NAV2: variants seen among roughly 807,000 people sequenced by gnomAD.
The protein encoded by NAV2 is neuron navigator 2.
A neutral mutation model predicts 223.2 loss-of-function variants in NAV2; 54 were observed. The observed-to-expected ratio is 0.24, with a 90% CI of 0.19 to 0.30. The LOEUF (loss-of-function observed/expected upper bound fraction) is 0.30, where lower values mean the gene tolerates loss of function less well. NAV2 is among the 10% of genes least tolerant of loss of function. NAV2 has a pLI of 1.00. For missense variants in NAV2, 2,806 were observed against 3,147.5 expected (o/e 0.89, Z 2.60); for synonymous variants, 1,279 against 1,239.3 (o/e 1.03, Z -0.67).
intron 6 of NAV2, among the ~76,000 whole-genome samples, chr11:19,919,011 CAG>C (rs371548532): frequency 1.2e-4 from 18 of 152,032 alleles, no homozygotes; most frequent in African/African-American, 4.3e-4. Context: ...GTACCTGAAA[CAG>C]AAGAAATGTC....
chr11:19,631,181 G>A (rs894296774), intron 1 of NAV2, among the ~76,000 whole-genome samples: 1 of 149,232 alleles, frequency 6.7e-6, no homozygotes, highest in Admixed American at 6.7e-5. Context: ...ATGTATACAT[G>A]TGCCACACTG....
At chr11:19,819,554 A>G (rs1184161400) in intron 1 of NAV2, among the ~76,000 whole-genome samples, 2 of 152,210 alleles carry the variant, frequency 1.3e-5, no homozygotes, top group African/African-American at 4.8e-5. Flanking sequence ...ACATGGGACC[A>G]GAGAACCTGC....
At chr11:19,644,798 C>A (rs1185580746) in intron 1 of NAV2, among the ~76,000 whole-genome samples, 2 of 152,190 alleles carry the variant, frequency 1.3e-5, no homozygotes, top group Non-Finnish European at 2.9e-5. Flanking sequence ...GATAGATGGG[C>A]CAGCAGGCCA....
At position 20,045,033 on chromosome 11, in the gene NAV2, C is replaced by T. The variant is rs368715694; in HGVS notation, c.3265C>T (p.Arg1089Cys). The T allele has an allele frequency of 1.9e-5, 30 of 1,614,096 alleles. No individual in the cohort carries two copies. The Admixed American group carries it at 4.2e-4, about 22-fold the overall frequency. The stretch of plus-strand genomic sequence containing the variant: ...TTCTCCTAAAGCCTCCCAGGTGAAG[C>T]GCTCCCCATCAGATGCAGGCCGGAG... ...RLSPKASQVK[R>C]SPSDAGRSSG... Residue 1089 changes from arginine (R) to cysteine (C), a missense_variant, in exon 14 of 38, where the codon CGC (arginine) becomes TGC (cysteine). Arg to Cys is a radical substitution (Grantham distance 180). Transcript: ENST00000349880.
chr11:19,597,687 G>A (rs1300539247), intron 1 of NAV2, among the ~76,000 whole-genome samples: 1 of 152,236 alleles, frequency 6.6e-6, no homozygotes, highest in Non-Finnish European at 1.5e-5. Flanking sequence ...AATAATTACT[G>A]ATAGTGGACC....
At chr11:19,629,013 C>T (rs1026953966) in intron 1 of NAV2, among the ~76,000 whole-genome samples, 7 of 152,192 alleles carry the variant, frequency 4.6e-5, no homozygotes, top group Non-Finnish European at 1.0e-4. Flanking sequence ...TTCTCATTGA[C>T]ACAAGGTTCT....
At chr11:19,443,929 A>G (rs1851492740) in intron 1 of NAV2, among the ~76,000 whole-genome samples, 1 of 152,038 alleles carries the variant, frequency 6.6e-6, no homozygotes, top group African/African-American at 2.4e-5. Flanking sequence ...TATTATTATT[A>G]TCGTTATTAT....
chr11:19,670,920 G>T (rs552284052), intron 1 of NAV2, among the ~76,000 whole-genome samples: 1 of 152,330 alleles, frequency 6.6e-6, no homozygotes, highest in East Asian at 1.9e-4. Flanking sequence ...GAATGCCAGC[G>T]CAGCTAAGGG....
At chr11:19,543,691 T>C (rs1056135203) in intron 1 of NAV2, among the ~76,000 whole-genome samples, 2 of 152,226 alleles carry the variant, frequency 1.3e-5, no homozygotes, top group Non-Finnish European at 2.9e-5. Flanking sequence ...CCTCCCTTCA[T>C]AGGATCATTC....
chr11:19,428,342 G>A (rs1050376109), intron 1 of NAV2, among the ~76,000 whole-genome samples: 1 of 152,114 alleles, frequency 6.6e-6, no homozygotes, highest in African/African-American at 2.4e-5. Flanking sequence ...CTCAGTACTG[G>A]GCTTTGAGAG....
intron 10 of NAV2, among the ~76,000 whole-genome samples, chr11:19,983,643 G>A (rs1401962633): frequency 6.6e-6 from 1 of 152,174 alleles, no homozygotes; most frequent in Non-Finnish European, 1.5e-5. Context: ...TGATGGCAAA[G>A]GCCACTCATC....
chr11:19,721,642 G>T (rs1464468777), intron 1 of NAV2, among the ~76,000 whole-genome samples: 1 of 152,242 alleles, frequency 6.6e-6, no homozygotes, highest in South Asian at 2.1e-4. Flanking sequence ...AACCAAATCC[G>T]ATGAGAGATT....
At chr11:19,551,626 T>G (rs778930756) in intron 1 of NAV2, among the ~76,000 whole-genome samples, 4 of 152,214 alleles carry the variant, frequency 2.6e-5, no homozygotes, top group Non-Finnish European at 4.4e-5. Context: ...TGGTTCAGAA[T>G]AGTAGCTTAA....
intron 1 of NAV2, among the ~76,000 whole-genome samples, chr11:19,766,429 G>A (rs762336789): frequency 6.6e-6 from 1 of 152,194 alleles, no homozygotes; most frequent in African/African-American, 2.4e-5. Flanking sequence ...CTCTCAGGAA[G>A]CTGATGTCAT....
At chr11:19,369,424 A>T (rs1361822674) in intron 1 of NAV2, among the ~76,000 whole-genome samples, 3 of 152,214 alleles carry the variant, frequency 2.0e-5, no homozygotes, top group Non-Finnish European at 4.4e-5. Context: ...TCTGTATTTG[A>T]TAAACAAAAT....
intron 12 of NAV2, among the ~76,000 whole-genome samples, chr11:20,040,649 C>T (rs1289139439): frequency 6.6e-6 from 1 of 152,198 alleles, no homozygotes; most frequent in Non-Finnish European, 1.5e-5. Context: ...GGCTTCTTTC[C>T]TCACCTTCCC....
Position 19,428,163 on chromosome 11 carries a change from A to G in NAV2, c.75+77136A>G, listed in dbSNP as rs190337919. Reference sequence around the variant, plus strand: ...TGAGATCTTTCATGTTTTTAAGAAAACCCAGAAGTCAGGGTTTTTTTTGTT... The same window carrying G: ...TGAGATCTTTCATGTTTTTAAGAAAGCCCAGAAGTCAGGGTTTTTTTTGTT... On this transcript the variant is annotated intron_variant, in intron 1 of 37. Transcript: ENST00000360655. Among the ~76,000 whole-genome samples the G allele has an allele frequency of 1.3e-3, 197 of 152,082 alleles. 1 individual carries two copies. Among genetic ancestry groups the G allele is most frequent in the African/African-American group, 4.4e-3 (182 of 41,476 alleles).
chr11:19,445,269 C>T (rs1286256072), intron 1 of NAV2, among the ~76,000 whole-genome samples: 1 of 152,076 alleles, frequency 6.6e-6, no homozygotes, highest in Admixed American at 6.6e-5. Flanking sequence ...ATTTTTCTGG[C>T]AGGTGGTTTT....
chr11:19,534,115 T>G (rs2044115291), intron 1 of NAV2, among the ~76,000 whole-genome samples: 1 of 152,236 alleles, frequency 6.6e-6, no homozygotes, highest in South Asian at 2.1e-4. Flanking sequence ...TCTCCATTTT[T>G]ACAGCCCCAT....
Sources: gnomAD v4.1 joint callset for allele counts (sites outside exome capture counted in the v4.1 genomes callset) on GRCh38, gnomAD v4.1.1 for gene constraint, MANE v1.5 for transcripts, NCBI Gene and HGNC (gene_info 2026-07-23, HGNC 2026-07-21) for gene names.